Variants in CSMD1 observed in about 807,000 individuals in gnomAD.
The protein encoded by CSMD1 is CUB and Sushi multiple domains 1, also known as CUB and sushi domain-containing protein 1.
A neutral mutation model predicts 417.5 loss-of-function variants in CSMD1; 213 were observed. The observed-to-expected ratio is 0.51, with a 90% CI of 0.46 to 0.57. The LOEUF (loss-of-function observed/expected upper bound fraction) is 0.57. Ranked by LOEUF, CSMD1 falls within the 20% of genes least tolerant of loss-of-function variation. The probability of loss-of-function intolerance (pLI) is 0.00; values close to 1 mark genes in which losing one functional copy is unlikely to be tolerated. For synonymous variants in CSMD1, 2,862 were observed against 1,736.8 expected, an observed-to-expected ratio of 1.65 and a Z score of -16.11; for missense variants, 6,923 against 4,529.7, an observed-to-expected ratio of 1.53 and a Z score of -15.17.
chr8:4,428,992 G>A lies in CSMD1; in HGVS notation c.303-8927C>T, dbSNP rs1167934351. On this transcript the variant is annotated intron_variant, in intron 2 of 69. Transcript: ENST00000635120. ...TCCTCCCAAAGTGCTGGGAATATAG[G>A]CATAAGGCACTGCACGTCGGCCTTA... Among the ~76,000 whole-genome samples, 7 of 151,940 alleles carry A rather than the reference G, an allele frequency of 4.6e-5. No individual in the cohort carries two copies. In the East Asian group the frequency reaches 7.7e-4, roughly 17 times the overall value.
intron 5 of CSMD1, among the ~76,000 whole-genome samples, chr8:3,842,194 T>C (rs1346657484): frequency 6.6e-6 from 1 of 152,182 alleles, no homozygotes; most frequent in Non-Finnish European, 1.5e-5. Flanking sequence ...ATCATTGTAA[T>C]ATTCCCATTT....
chr8:3,970,167 T>G (rs562764381), intron 5 of CSMD1, among the ~76,000 whole-genome samples: 1 of 151,034 alleles, frequency 6.6e-6, no homozygotes, highest in African/African-American at 2.4e-5. Context: ...CATTTGGCAG[T>G]TGAATAGGAA....
At chr8:4,241,816 T>C (rs1238781014) in intron 3 of CSMD1, among the ~76,000 whole-genome samples, 1 of 151,986 alleles carries the variant, frequency 6.6e-6, no homozygotes, top group Admixed American at 6.6e-5. Flanking sequence ...GTTCACGCCA[T>C]TCTCCTGTCT....
intron 3 of CSMD1, among the ~76,000 whole-genome samples, chr8:4,413,202 G>A (rs748517115): frequency 7.9e-5 from 12 of 152,126 alleles, no homozygotes; most frequent in Non-Finnish European, 1.5e-5. Flanking sequence ...TCCCAGGGAG[G>A]GTTGCTCAGT....
intron 2 of CSMD1, among the ~76,000 whole-genome samples, chr8:4,425,725 T>G (rs370181262): frequency 2.0e-5 from 3 of 152,180 alleles, no homozygotes; most frequent in African/African-American, 7.2e-5. Flanking sequence ...ACGAAACATT[T>G]TGAAGTAAAA....
intron 1 of CSMD1, among the ~76,000 whole-genome samples, chr8:4,950,511 C>G (rs1295928961): frequency 6.6e-6 from 1 of 152,144 alleles, no homozygotes; most frequent in African/African-American, 2.4e-5. Context: ...ATTAAACATA[C>G]ACTACTTTAT....
At chr8:3,997,863 C>G (rs375948567) in intron 5 of CSMD1, 40 bp downstream of exon 5, 30 of 1,556,698 alleles carry the variant, frequency 1.9e-5, no homozygotes, top group East Asian at 2.3e-5. Flanking sequence ...ACGGGGAAAA[C>G]ACACCTGTAT....
At chr8:3,983,268 C>A (rs529142566) in intron 5 of CSMD1, among the ~76,000 whole-genome samples, 1 of 151,792 alleles carries the variant, frequency 6.6e-6, no homozygotes, top group Non-Finnish European at 1.5e-5. Flanking sequence ...GTAGCTGGGA[C>A]TACAGGCGCC....
intron 3 of CSMD1, among the ~76,000 whole-genome samples, chr8:4,305,417 A>T (rs1233858852): frequency 6.6e-6 from 1 of 152,124 alleles, no homozygotes; most frequent in East Asian, 1.9e-4. Flanking sequence ...AGCTTAAGTG[A>T]AAGGGATAAT....
chr8:4,032,825 G>C (rs150646902), intron 3 of CSMD1, among the ~76,000 whole-genome samples: 48 of 152,258 alleles, frequency 3.2e-4, no homozygotes, highest in Non-Finnish European at 6.2e-4. Context: ...CATCTGAATG[G>C]ACACATCCTC....
chr8:4,721,727 A>T (rs1177652551), intron 1 of CSMD1, among the ~76,000 whole-genome samples: 5 of 152,150 alleles, frequency 3.3e-5, no homozygotes, highest in African/African-American at 1.2e-4. Flanking sequence ...AGGAAATGAA[A>T]CCAGCACCTC....
intron 3 of CSMD1, among the ~76,000 whole-genome samples, chr8:4,230,819 T>C (rs931459547): frequency 6.6e-6 from 1 of 152,202 alleles, no homozygotes; most frequent in African/African-American, 2.4e-5. Flanking sequence ...GCTTTTGCAG[T>C]GTCACAATGT....
chr8:2,959,369 G>A (rs1803273258), intron 62 of CSMD1, among the ~76,000 whole-genome samples: 1 of 152,188 alleles, frequency 6.6e-6, no homozygotes, highest in South Asian at 2.1e-4. Context: ...AAAGTGCTGG[G>A]ATTACAGGCG....
At position 4,142,343 on chromosome 8, in the gene CSMD1, G is replaced by A. The variant is rs146370934; in HGVS notation, c.416-110244C>T. 4.2e-3 allele frequency among the ~76,000 whole-genome samples: 641 copies of A among 151,148 alleles called. 54 individuals carry two copies. The highest frequency in any genetic ancestry group is 0.015 in the African/African-American group (616 of 40,508). ...CCACCTCATTAGCCTACTCTACGAGGTTATGATATTTGGCTGTAGGCAAAT... is the reference window on the plus strand; with the variant it reads ...CCACCTCATTAGCCTACTCTACGAGATTATGATATTTGGCTGTAGGCAAAT... On this transcript the variant is annotated intron_variant, in intron 3 of 69. Transcript: ENST00000635120.
At chr8:4,355,564 G>A (rs928308484) in intron 3 of CSMD1, among the ~76,000 whole-genome samples, 1 of 152,110 alleles carries the variant, frequency 6.6e-6, no homozygotes, top group Non-Finnish European at 1.5e-5. Flanking sequence ...AATAACAACT[G>A]CAACAAAACT....
intron 1 of CSMD1, among the ~76,000 whole-genome samples, chr8:4,916,049 T>C (rs191532644): frequency 3.3e-5 from 5 of 152,276 alleles, no homozygotes; most frequent in Non-Finnish European, 5.9e-5. Flanking sequence ...AGATTTGCCC[T>C]GGAAAGGCAA....
At chr8:3,733,466 G>C (rs1353631543) in intron 6 of CSMD1, among the ~76,000 whole-genome samples, 1 of 151,364 alleles carries the variant, frequency 6.6e-6, no homozygotes, top group Non-Finnish European at 1.5e-5. Context: ...CTTATTCAAT[G>C]TTTTGCTTTC....
chr8:3,677,712 C>G (rs1381609585), intron 7 of CSMD1, among the ~76,000 whole-genome samples: 1 of 152,092 alleles, frequency 6.6e-6, no homozygotes, highest in African/African-American at 2.4e-5. Flanking sequence ...CTGTTTTGTT[C>G]TGGAAGTCTG....
At chr8:4,768,624 G>A (rs758081083) in intron 1 of CSMD1, among the ~76,000 whole-genome samples, 15 of 152,088 alleles carry the variant, frequency 9.9e-5, no homozygotes, top group Non-Finnish European at 1.9e-4. Context: ...TCTTCTCTGC[G>A]TGGAAGGGGT....
Sources: allele counts gnomAD v4.1 joint callset (sites outside exome capture counted in the v4.1 genomes callset), GRCh38; gene constraint gnomAD v4.1.1; transcripts MANE v1.5; gene names NCBI Gene and HGNC (gene_info 2026-07-23, HGNC 2026-07-21).